The following DNM3 variants were observed in gnomAD, a reference collection of about 807,000 sequenced individuals.
The protein encoded by DNM3 is dynamin 3.
Under a neutral mutation model 101.6 loss-of-function variants are expected in DNM3, and 47 were observed. The observed-to-expected ratio is 0.46, with a 90% CI of 0.37 to 0.59. DNM3 has a LOEUF of 0.59. Ranked by LOEUF, DNM3 falls within the 20% of genes least tolerant of loss-of-function variation. DNM3 has a pLI of 0.00. For missense variants in DNM3, 849 were observed against 1,085.7 expected, an observed-to-expected ratio of 0.78 and a Z score of 3.06; for synonymous variants, 385 against 387.9, an observed-to-expected ratio of 0.99 and a Z score of 0.09.
At chr1:172,064,752 A>G (rs2051519115) in intron 10 of DNM3, among the ~76,000 whole-genome samples, 1 of 152,218 alleles carries the variant, frequency 6.6e-6, no homozygotes, top group Admixed American at 6.5e-5. Context: ...TCAGTTCAAT[A>G]TCAACCAGCT....
intron 2 of DNM3, among the ~76,000 whole-genome samples, chr1:171,983,948 C>T (rs2045035541): frequency 6.6e-6 from 1 of 152,092 alleles, no homozygotes; most frequent in African/African-American, 2.4e-5. Flanking sequence ...CCATCCCATC[C>T]CATCCCTTCT....
At chr1:172,348,702 G>A (rs546347103) in intron 17 of DNM3, among the ~76,000 whole-genome samples, 292 of 152,180 alleles carry the variant, frequency 1.9e-3, no homozygotes, top group African/African-American at 6.5e-3. Context: ...ATGTATTTAG[G>A]TACAAAAGAG....
intron 12 of DNM3, among the ~76,000 whole-genome samples, chr1:172,089,305 G>A (rs933455867): frequency 6.6e-6 from 1 of 152,012 alleles, no homozygotes; most frequent in Admixed American, 6.6e-5. Flanking sequence ...TACGGAGTTC[G>A]TGCCCTATAG....
chr1:172,081,929 G>GCATT (rs2053178885), intron 12 of DNM3, 27 bp downstream of exon 12: 2 of 1,603,044 alleles, frequency 1.2e-6, no homozygotes, highest in Admixed American at 1.7e-5. Flanking sequence ...ATGGCCACAT[G>GCATT]CATTCCTCCT....
intron 12 of DNM3, among the ~76,000 whole-genome samples, chr1:172,085,556 C>T (rs1246907486): frequency 4.6e-5 from 7 of 152,072 alleles, no homozygotes; most frequent in Non-Finnish European, 8.8e-5. Flanking sequence ...CTCTATACAC[C>T]GCAAGCAGCA....
intron 15 of DNM3, among the ~76,000 whole-genome samples, chr1:172,255,312 A>G (rs914962532): frequency 6.6e-6 from 1 of 152,162 alleles, no homozygotes; most frequent in Non-Finnish European, 1.5e-5. Flanking sequence ...AGCCAAGCTC[A>G]GTACTAGTTT....
intron 9 of DNM3, among the ~76,000 whole-genome samples, chr1:172,048,336 A>C (rs1418701504): frequency 6.6e-6 from 1 of 152,212 alleles, no homozygotes; most frequent in Non-Finnish European, 1.5e-5. Flanking sequence ...TGATTTTGGA[A>C]TCTTTCAGAA....
In DNM3 at chr1:172,323,316, G is replaced by T; in HGVS notation, c.1882-13G>T. On this transcript the variant is annotated splice_polypyrimidine_tract_variant and intron_variant, in intron 16 of 20. Transcript: ENST00000627582. The stretch of plus-strand genomic sequence containing the variant: ...CATATTTCTCTTTCTTTTCCTTGCG[G>T]CTACATGCATAGGGGAACAACAAAG... The T allele has an allele frequency of 6.3e-7, 1 of 1,598,256 alleles. No homozygotes were observed. The highest frequency in any genetic ancestry group is 2.2e-5 in the East Asian group (1 of 44,524).
chr1:172,385,038 C>A (rs545381695), intron 18 of DNM3, among the ~76,000 whole-genome samples: 90 of 152,178 alleles, frequency 5.9e-4, no homozygotes, highest in Non-Finnish European at 5.3e-4. Flanking sequence ...GTTTGAGTTT[C>A]TATTCTCCTA....
intron 17 of DNM3, among the ~76,000 whole-genome samples, chr1:172,350,587 A>G (rs949122323): frequency 2.0e-5 from 3 of 152,190 alleles, no homozygotes; most frequent in African/African-American, 7.2e-5. Context: ...TAGCAATGCA[A>G]TAAAGTATCT....
intron 17 of DNM3, among the ~76,000 whole-genome samples, chr1:172,360,674 A>G (rs1323579995): frequency 1.3e-5 from 2 of 152,030 alleles, no homozygotes; most frequent in Non-Finnish European, 2.9e-5. Flanking sequence ...CATGCATTCC[A>G]GCCATGTTTG....
At chr1:172,000,383 A>G (rs1253374952) in intron 4 of DNM3, among the ~76,000 whole-genome samples, 1 of 152,070 alleles carries the variant, frequency 6.6e-6, no homozygotes, top group African/African-American at 2.4e-5. Flanking sequence ...ATTGCTCCCA[A>G]CCTAAAGACG....
chr1:172,144,903 G>C, intron 14 of DNM3: 1 of 230,036 alleles, frequency 4.3e-6, no homozygotes. Flanking sequence ...GGTATGCGCT[G>C]TGCCGCTGGA....
chr1:172,101,867 A>AT (rs200937743), intron 13 of DNM3, among the ~76,000 whole-genome samples: 5,379 of 148,388 alleles, frequency 0.036, 210 homozygotes, highest in East Asian at 0.13. Flanking sequence ...TTATTACTTA[A>AT]TTTTTTTTTT....
intron 1 of DNM3, among the ~76,000 whole-genome samples, chr1:171,878,359 G>GAAAATATT (rs1199005032): frequency 6.7e-6 from 1 of 148,454 alleles, no homozygotes; most frequent in Non-Finnish European, 1.5e-5. Flanking sequence ...TGAAGAGACA[G>GAAAATATT]AAAATATTAA....
At chr1:172,087,756 C>G (rs185161986) in intron 12 of DNM3, among the ~76,000 whole-genome samples, 1 of 152,296 alleles carries the variant, frequency 6.6e-6, no homozygotes, top group East Asian at 1.9e-4. Flanking sequence ...TCTCTCTGTA[C>G]CCCTGTCATC....
In DNM3 at chr1:172,388,717, C is replaced by T; in HGVS notation, c.2430C>T (p.Gly810=). The stretch of plus-strand genomic sequence containing the variant: ...CTCCTCCAGTCCCATTCCGTCCAGG[C>T]CCATTACCTCCTTTCCCCAGCAGCA... ...SGAPPVPFRP[G]PLPPFPSSSD... is the part of the protein sequence containing the mutation. The change falls in exon 20 of 21, where the codon GGC becomes GGT. Residue 810 remains glycine, a synonymous_variant. Coordinates refer to ENST00000627582, the MANE Select transcript of DNM3 (RefSeq NM_015569.5). 3 of 1,613,656 alleles carry T rather than the reference C, an allele frequency of 1.9e-6. No homozygotes were observed. The highest frequency in any genetic ancestry group is 2.5e-6 in the Non-Finnish European group (3 of 1,179,772).
intron 16 of DNM3, among the ~76,000 whole-genome samples, chr1:172,315,350 C>T (rs920339793): frequency 7.9e-5 from 12 of 152,244 alleles, no homozygotes; most frequent in African/African-American, 1.7e-4. Context: ...TCCAAAGGAA[C>T]GCAGTTCCTC....
At chr1:172,336,912 T>A (rs2066457264) in intron 17 of DNM3, among the ~76,000 whole-genome samples, 1 of 152,212 alleles carries the variant, frequency 6.6e-6, no homozygotes. Context: ...GATGACAATC[T>A]ACCTCACGAG....
Sources: gnomAD v4.1 joint callset for allele counts (sites outside exome capture counted in the v4.1 genomes callset) on GRCh38, gnomAD v4.1.1 for gene constraint, MANE v1.5 for transcripts, NCBI Gene and HGNC (gene_info 2026-07-23, HGNC 2026-07-21) for gene names.